The following GPC3 variants were observed in gnomAD, a reference collection of about 807,000 sequenced individuals.
The protein encoded by GPC3 is glypican-3.
In GPC3, 3 loss-of-function variants were observed where a neutral mutation model predicts 34.4. The observed-to-expected ratio is 0.09, with a 90% confidence interval of 0.04 to 0.23. The LOEUF (loss-of-function observed/expected upper bound fraction) is 0.23, where lower values mean the gene tolerates loss of function less well. Ranked by LOEUF, GPC3 falls within the 10% of genes least tolerant of loss-of-function variation. The probability of loss-of-function intolerance (pLI) is 1.00; values close to 1 mark genes in which losing one functional copy is unlikely to be tolerated. For synonymous variants in GPC3, 177 were observed against 174.0 expected, an observed-to-expected ratio of 1.02 and a Z score of -0.13; for missense variants, 351 against 445.6, an observed-to-expected ratio of 0.79 and a Z score of 1.91.
At chrX:133,554,572 ACCCTGGTCACCTGCTTTGACCTGAGTCAC>A (rs2069467975) in intron 7 of GPC3, among the ~76,000 whole-genome samples, 1 of 110,368 alleles carries the variant, frequency 9.1e-6, no homozygotes, top group Non-Finnish European at 1.9e-5. Flanking sequence ...ATCCTGACTC[ACCCTGGTCACCTGCTTTGACCTGAGTCAC>A]CCCTGGTCAC....
chrX:133,943,278 A>G lies in GPC3; in HGVS notation c.337+9772T>C, dbSNP rs1023491. Among the ~76,000 whole-genome samples the G allele has an allele frequency of 7.5e-3, 840 of 112,420 alleles. 2 individuals are homozygous for G. The highest frequency in any genetic ancestry group is 0.05 in the Middle Eastern group (11 of 218). The stretch of plus-strand genomic sequence containing the variant: ...GGGGTTACGTAACTAGTGAGTAACA[A>G]GAGTATTTGAATACAGGACTATTTG... On this transcript the variant is annotated intron_variant, in intron 2 of 7. Transcript: ENST00000370818.
At chrX:133,607,498 G>A (rs1231233346) in intron 6 of GPC3, among the ~76,000 whole-genome samples, 1 of 111,673 alleles carries the variant, frequency 9.0e-6, no homozygotes, top group East Asian at 2.8e-4. Flanking sequence ...GGACTCCTGG[G>A]CTCAAGCAAT....
At chrX:133,840,251 C>T (rs1485230474) in intron 2 of GPC3, among the ~76,000 whole-genome samples, 2 of 111,085 alleles carry the variant, frequency 1.8e-5, no homozygotes, top group African/African-American at 3.3e-5. Flanking sequence ...GGTTTATAGG[C>T]TATATATATG....
chrX:133,697,522 G>A (rs1230591008), intron 4 of GPC3, among the ~76,000 whole-genome samples: 1 of 111,523 alleles, frequency 9.0e-6, no homozygotes, highest in African/African-American at 3.3e-5. Flanking sequence ...AATGCTCCAA[G>A]GAGAGGGGCT....
rs73564967 is a variant in GPC3, at chrX:133,771,814, A to G, written c.338-17638T>C. 8.9e-3 allele frequency among the ~76,000 whole-genome samples: 997 copies of G among 112,099 alleles called. 13 individuals carry two copies. Among genetic ancestry groups the G allele is most frequent in the African/African-American group, 0.03 (925 of 30,870 alleles). ...TAAATTCTCTGGGCAGAGAGGGAAG[A>G]AGGAAATATTAGTGCTGTGTGGTCT... is the stretch of plus-strand genomic sequence containing the variant. On this transcript the variant is annotated intron_variant, in intron 2 of 7. Coordinates refer to ENST00000370818, the MANE Select transcript of GPC3 (RefSeq NM_004484.4).
chrX:133,649,268 A>G lies in GPC3; in HGVS notation c.1413+12462T>C, dbSNP rs764490696. ...TAATAAATGACGAGGATATATATATATGTGTGTGTGTGTGTGTGTGTGTGT... is the reference window on the plus strand; with the variant it reads ...TAATAAATGACGAGGATATATATATGTGTGTGTGTGTGTGTGTGTGTGTGT... On this transcript the variant is annotated intron_variant, in intron 6 of 7. Coordinates refer to ENST00000370818, the MANE Select transcript of GPC3 (RefSeq NM_004484.4). Among the ~76,000 whole-genome samples, 707 of 104,090 alleles carry G rather than the reference A, an allele frequency of 6.8e-3. 4 individuals are homozygous for G. The highest frequency in any genetic ancestry group is 0.023 in the African/African-American group (646 of 28,504). The allele number at this position is 104,090 out of a possible 115,157, so 90.4% of individuals were successfully genotyped here.
intron 7 of GPC3, among the ~76,000 whole-genome samples, chrX:133,571,182 A>C (rs986036728): frequency 1.5e-4 from 17 of 111,866 alleles, no homozygotes; most frequent in Non-Finnish European, 5.6e-5. Flanking sequence ...AATATTGAAC[A>C]CCATTTAAAA....
intron 2 of GPC3, among the ~76,000 whole-genome samples, chrX:133,951,427 T>C (rs2124633864): frequency 9.0e-6 from 1 of 110,852 alleles, no homozygotes; most frequent in East Asian, 2.8e-4. Context: ...CAGACAAGGA[T>C]TGTAAGGTAA....
At position 133,572,481 on chromosome X, in the gene GPC3, A is replaced by G. The variant is rs137892042; in HGVS notation, c.1573+23959T>C. Reference sequence around the variant, plus strand: ...GGATTAGAGGTAAAGATAATAAAATAGAGAACAGAAAAACAGCAGGGAAAA... The same window carrying G: ...GGATTAGAGGTAAAGATAATAAAATGGAGAACAGAAAAACAGCAGGGAAAA... On this transcript the variant is annotated intron_variant, in intron 7 of 7. Coordinates refer to ENST00000370818, the MANE Select transcript of GPC3 (RefSeq NM_004484.4). 7.3e-3 allele frequency among the ~76,000 whole-genome samples: 817 copies of G among 111,474 alleles called. 7 individuals are homozygous for G. The highest frequency in any genetic ancestry group is 0.041 in the Middle Eastern group (9 of 217).
intron 2 of GPC3, among the ~76,000 whole-genome samples, chrX:133,885,737 G>A (rs1198788133): frequency 8.9e-6 from 1 of 111,841 alleles, no homozygotes; most frequent in East Asian, 2.8e-4. Flanking sequence ...ACCATAAGTA[G>A]GTATGGGTTC....
At chrX:133,885,153 A>C (rs368686481) in intron 2 of GPC3, among the ~76,000 whole-genome samples, 12 of 111,940 alleles carry the variant, frequency 1.1e-4, no homozygotes, top group Admixed American at 1.9e-4. Context: ...TCACCTATCT[A>C]TCACTATTGG....
chrX:133,743,854 C>T (rs964438020), intron 3 of GPC3, among the ~76,000 whole-genome samples: 2 of 111,609 alleles, frequency 1.8e-5, no homozygotes, highest in Admixed American at 9.6e-5. Context: ...TCAGAAATAA[C>T]GCCACACATC....
chrX:133,763,639 G>A, intron 2 of GPC3: 1 of 784,839 alleles, frequency 1.3e-6, no homozygotes, highest in Non-Finnish European at 1.9e-6. Context: ...CGCTTCCACT[G>A]CTCAGGCCAC....
chrX:133,703,460 G>GT (rs746837604), intron 3 of GPC3, among the ~76,000 whole-genome samples: 2,335 of 95,549 alleles, frequency 0.024, 39 homozygotes, highest in African/African-American at 0.059. Context: ...AGGCCAGGAA[G>GT]TTTTTTTTTT....
At chrX:133,831,864 G>A (rs1273025510) in intron 2 of GPC3, among the ~76,000 whole-genome samples, 1 of 112,732 alleles carries the variant, frequency 8.9e-6, no homozygotes, top group Admixed American at 9.3e-5. Context: ...TAGCCATTAG[G>A]GGAGTACAAA....
At chrX:133,925,682 G>A (rs1393819849) in intron 2 of GPC3, among the ~76,000 whole-genome samples, 3 of 111,995 alleles carry the variant, frequency 2.7e-5, no homozygotes, top group Non-Finnish European at 5.6e-5. Flanking sequence ...GGAGAATTTT[G>A]CTTGATTATA....
chrX:133,618,195 A>G (rs1256795785), intron 6 of GPC3, among the ~76,000 whole-genome samples: 1 of 111,942 alleles, frequency 8.9e-6, no homozygotes, highest in African/African-American at 3.2e-5. Context: ...TTACCAGCAA[A>G]CAAATTATTG....
intron 6 of GPC3, among the ~76,000 whole-genome samples, chrX:133,610,882 AAAGGACCT>A (rs2070102731): frequency 9.3e-6 from 1 of 107,147 alleles, no homozygotes; most frequent in Admixed American, 1.0e-4. Flanking sequence ...AGTGAGTTAG[AAAGGACCT>A]GAGAGAGCAC....
At position 133,606,145 on chromosome X, in the gene GPC3, G is replaced by C. The variant is rs142960911; in HGVS notation, c.1414-9546C>G. On this transcript the variant is annotated intron_variant, in intron 6 of 7. Transcript: ENST00000370818. ...AACAAACAAACAATCAAAACACCAG[G>C]ATGTGAAGAAGCCGACCCAGGATGG... 2.9e-3 allele frequency among the ~76,000 whole-genome samples: 326 copies of C among 112,343 alleles called. 2 individuals are homozygous for C. Among genetic ancestry groups the C allele is most frequent in the Non-Finnish European group, 5.4e-3 (289 of 53,278 alleles).
Sources: gnomAD v4.1 joint callset for allele counts (sites outside exome capture counted in the v4.1 genomes callset) on GRCh38, gnomAD v4.1.1 for gene constraint, MANE v1.5 for transcripts, NCBI Gene and HGNC (gene_info 2026-07-23, HGNC 2026-07-21) for gene names.